The following MUTYH variants were observed in gnomAD, a reference collection of about 807,000 sequenced individuals.
The protein encoded by MUTYH is mutY DNA glycosylase.
Under a neutral mutation model 72.9 loss-of-function variants are expected in MUTYH, and 64 were observed. The observed-to-expected ratio is 0.88, with a 90% CI of 0.72 to 1.08. MUTYH has a LOEUF of 1.08. Among genes scored for constraint, MUTYH ranks in the 50% least tolerant of loss-of-function variants. The probability of loss-of-function intolerance (pLI) is 0.00; values close to 1 mark genes in which losing one functional copy is unlikely to be tolerated. For synonymous variants in MUTYH, 234 were observed against 263.1 expected (o/e 0.89, Z 1.07); for missense variants, 633 against 671.0 (o/e 0.94, Z 0.63).
At chr1:45,340,219 C>A (rs767402084), upstream of MUTYH, 1 of 1,613,868 alleles carries the variant, frequency 6.2e-7, no homozygotes, top group Non-Finnish European at 8.5e-7. Flanking sequence ...TCCAGCGTAC[C>A]CACAGACGAC....
chr1:45,331,286 G>A lies in MUTYH; in HGVS notation c.1288C>T (p.Leu430=), dbSNP rs574350006. 2.5e-6 allele frequency: 4 copies of A among 1,614,204 alleles called. No homozygotes were observed. The highest frequency in any genetic ancestry group is 2.2e-5 in the South Asian group (2 of 91,082). Residue 430 remains leucine, a synonymous_variant, in exon 14 of 16, where the codon CTG becomes TTG. Coordinates refer to ENST00000456914, the MANE Select transcript of MUTYH (RefSeq NM_001048174.2). Reference sequence around the variant, plus strand: ...ACTGGGGTCTGCCCTTCCAAGGCCAGCCCATATACTTGATATGTCAGCTTG... The same window carrying A: ...ACTGGGGTCTGCCCTTCCAAGGCCAACCCATATACTTGATATGTCAGCTTG... ...HIKLTYQVYG[L]ALEGQTPVTT...
chr1:45,338,334 T>C (rs986196827), intron 1 of MUTYH: 14 of 520,550 alleles, frequency 2.7e-5, no homozygotes, highest in African/African-American at 1.9e-4. Flanking sequence ...TTTAGTTGCT[T>C]AAACACCTCA....
rs369034810 is a variant in MUTYH at position 45,331,644 on chromosome 1, G to A, written c.1102+17C>T. 2.3e-4 allele frequency: 374 copies of A among 1,613,286 alleles called. No individual in the cohort carries two copies. Among genetic ancestry groups the A allele is most frequent in the Non-Finnish European group, 2.9e-4 (344 of 1,180,038 alleles). On this transcript the variant is annotated intron_variant, in intron 12 of 15. Transcript: ENST00000456914. ...TGTTACTCATGCCACTGCCCTCCACGCCCAGTATCCAGGTACCTGAGTTGG... is the reference window on the plus strand; with the variant it reads ...TGTTACTCATGCCACTGCCCTCCACACCCAGTATCCAGGTACCTGAGTTGG...
At chr1:45,337,069 A>G (rs189235831) in intron 1 of MUTYH, among the ~76,000 whole-genome samples, 133 of 151,610 alleles carry the variant, frequency 8.8e-4, no homozygotes, top group African/African-American at 3.1e-3. Context: ...TCATTCTACA[A>G]TCTATTCTCC....
In MUTYH at chr1:45,334,724, C is replaced by T. The variant is rs79877058; in HGVS notation, c.-6-213G>A. On this transcript the variant is annotated intron_variant, in intron 1 of 15. Coordinates refer to ENST00000456914, the MANE Select transcript of MUTYH (RefSeq NM_001048174.2). ...GAGCAAGTGGCCTCAAGGGGGCCGGCGTTACAGCCCTGGAGACATGCAAAG... is the reference window on the plus strand; with the variant it reads ...GAGCAAGTGGCCTCAAGGGGGCCGGTGTTACAGCCCTGGAGACATGCAAAG... Among the ~76,000 whole-genome samples, 797 of 152,276 alleles carry T rather than the reference C, an allele frequency of 5.2e-3. 8 individuals are homozygous for T. The highest frequency in any genetic ancestry group is 0.018 in the African/African-American group (750 of 41,558).
chr1:45,334,278 C>G, intron 2 of MUTYH, 113 bp downstream of exon 2: 1 of 1,522,920 alleles, frequency 6.6e-7, no homozygotes, highest in Non-Finnish European at 9.0e-7. Flanking sequence ...TGTGAGCCAC[C>G]GCACCTGGCC....
chr1:45,334,334 C>T (rs1287790629), intron 2 of MUTYH, 57 bp downstream of exon 2: 1 of 1,610,880 alleles, frequency 6.2e-7, no homozygotes, highest in African/African-American at 1.3e-5. Context: ...AATCCCTTCC[C>T]AGCCTGAATC....
chr1:45,330,393 A>T, intron 15 of MUTYH, 123 bp downstream of exon 15: 1 of 1,167,006 alleles, frequency 8.6e-7, no homozygotes, highest in South Asian at 1.3e-5. Context: ...GTCAAGAACT[A>T]TTCCTCCCTC....
In MUTYH at chr1:45,333,305, A is replaced by G. The variant is rs2149169583; in HGVS notation, c.284T>C (p.Leu95Pro). 6.2e-7 allele frequency: 1 copy of G among 1,614,226 alleles called. No homozygotes were observed. Among genetic ancestry groups the G allele is most frequent in the South Asian group, 1.1e-5 (1 of 91,086 alleles). ...CTGACCAGCATATGCCCGCCTGTCC[A>G]GGTCCATCTCATCTTCTGCCTGTCA... is the stretch of plus-strand genomic sequence containing the variant. The part of the protein sequence containing the change: ...WRRRAEDEMD[L>P]DRRAYAVWVS... The change falls in exon 4 of 16, where the codon CTG (leucine) becomes CCG (proline). Residue 95 changes from leucine to proline, a missense_variant. Coordinates refer to ENST00000456914, the MANE Select transcript of MUTYH (RefSeq NM_001048174.2).
intron 4 of MUTYH, 27 bp from the exon 5 acceptor site, chr1:45,333,197 C>T (rs765015265): frequency 6.2e-7 from 1 of 1,614,196 alleles, no homozygotes; most frequent in Non-Finnish European, 8.5e-7. Context: ...GGCATGAGGA[C>T]ACTGCTGACC....
upstream of MUTYH, chr1:45,339,995 G>A: frequency 6.5e-7 from 1 of 1,536,150 alleles, no homozygotes; most frequent in Non-Finnish European, 8.8e-7. Flanking sequence ...GCTCTAGCGC[G>A]CCCGGCTTTC....
Position 45,331,652 on chromosome 1 carries a change from T to C in MUTYH, c.1102+9A>G. On this transcript the variant is annotated intron_variant, in intron 12 of 15. Transcript: ENST00000456914. ...ATGCCACTGCCCTCCACGCCCAGTA[T>C]CCAGGTACCTGAGTTGGGCCTCTGC... is the stretch of plus-strand genomic sequence containing the variant. 1 of 1,613,718 alleles carries C rather than the reference T, an allele frequency of 6.2e-7. No individual in the cohort carries two copies. Among genetic ancestry groups the C allele is most frequent in the South Asian group, 1.1e-5 (1 of 91,088 alleles).
chr1:45,333,559 G>A lies in MUTYH; in HGVS notation c.118C>T (p.Leu40=), dbSNP rs1409006256. The A allele has an allele frequency of 6.2e-7, 1 of 1,613,542 alleles. No homozygotes were observed. Among genetic ancestry groups the A allele is most frequent in the Admixed American group, 1.7e-5 (1 of 60,022 alleles). The change falls in exon 3 of 16, where the codon CTG becomes TTG. Residue 40 remains leucine, a splice_region_variant and synonymous_variant. Coordinates refer to ENST00000456914, the MANE Select transcript of MUTYH (RefSeq NM_001048174.2). The part of the protein sequence containing the change: ...SQAKPSACDG[L]ARQPEEVVLQ... Reference sequence around the variant, plus strand: ...ACCACCTCTTCCGGCTGCCTGGCCAGGCCTGCTGGGGCCCCAGGACACTCA... The same window carrying A: ...ACCACCTCTTCCGGCTGCCTGGCCAAGCCTGCTGGGGCCCCAGGACACTCA...
In MUTYH at chr1:45,333,082, C is replaced by T. The variant is rs1289956245; in HGVS notation, c.378+15G>A. 1 of 1,614,188 alleles carries T rather than the reference C, an allele frequency of 6.2e-7. No individual in the cohort carries two copies. Among genetic ancestry groups the T allele is most frequent in the East Asian group, 2.2e-5 (1 of 44,872 alleles). ...GGTCTGACCCATGACCCTTCCCTTC[C>T]TCCCCTGGAGTCACCTGCATCCATC... On this transcript the variant is annotated intron_variant, in intron 5 of 15. Coordinates refer to ENST00000456914, the MANE Select transcript of MUTYH (RefSeq NM_001048174.2).
At chr1:45,331,004 G>C (rs1028643903) in intron 14 of MUTYH, among the ~76,000 whole-genome samples, 178 bp downstream of exon 14, 3 of 152,176 alleles carry the variant, frequency 2.0e-5, no homozygotes, top group Non-Finnish European at 4.4e-5. Context: ...AGAATCACTT[G>C]AACCCGGGAG....
At chr1:45,338,492 C>T in intron 1 of MUTYH, 1 of 348,412 alleles carries the variant, frequency 2.9e-6, no homozygotes, top group Non-Finnish European at 5.6e-6. Context: ...CATATTTCTG[C>T]CTTGTAGCTC....
chr1:45,336,505 G>A (rs1434615564), intron 1 of MUTYH, among the ~76,000 whole-genome samples: 1 of 152,050 alleles, frequency 6.6e-6, no homozygotes, highest in Non-Finnish European at 1.5e-5. Context: ...TCTGCCCCAC[G>A]CTAACTGATC....
Position 45,333,540 on chromosome 1 carries a change from T to G in MUTYH, c.137A>C (p.Glu46Ala), listed in dbSNP as rs1471949219. 4 of 1,614,016 alleles carry G rather than the reference T, an allele frequency of 2.5e-6. No individual in the cohort carries two copies. The highest frequency in any genetic ancestry group is 3.4e-6 in the Non-Finnish European group (4 of 1,179,902). The part of the protein sequence containing the change: ...ACDGLARQPE[E>A]VVLQASVSSY... ...GGAGACAGAGGCCTGCAATACCACCTCTTCCGGCTGCCTGGCCAGGCCTGC... is the reference window on the plus strand; with the variant it reads ...GGAGACAGAGGCCTGCAATACCACCGCTTCCGGCTGCCTGGCCAGGCCTGC... Residue 46 changes from glutamate to alanine, a missense_variant, in exon 3 of 16, where the codon GAG (glutamate) becomes GCG (alanine). Transcript: ENST00000456914.
rs202240122 is a variant in MUTYH at position 45,334,506 on chromosome 1, G to A, written c.-1C>T. 1.7e-4 allele frequency: 277 copies of A among 1,613,946 alleles called. No individual in the cohort carries two copies. The highest frequency in any genetic ancestry group is 2.2e-4 in the Non-Finnish European group (260 of 1,179,984). ...CCACGGCTGCTCGTGGCTTCCTCAT[G>A]ATGGCCTGAAACAAAAAGACCCAGC... is the stretch of plus-strand genomic sequence containing the variant. On this transcript the variant is annotated 5_prime_UTR_variant, in exon 2 of 16. Coordinates refer to ENST00000456914, the MANE Select transcript of MUTYH (RefSeq NM_001048174.2).
Sources: allele counts gnomAD v4.1 joint callset (sites outside exome capture counted in the v4.1 genomes callset), GRCh38; gene constraint gnomAD v4.1.1; transcripts MANE v1.5; gene names NCBI Gene and HGNC (gene_info 2026-07-23, HGNC 2026-07-21).